SYN3: variants seen among roughly 807,000 people sequenced by gnomAD.
SYN3 encodes synapsin III, also known as synapsin-3.
A neutral mutation model predicts 65.8 loss-of-function variants in SYN3; 35 were observed. That is an observed-to-expected ratio of 0.53 (90% CI 0.41 to 0.70). SYN3 has a LOEUF of 0.70. Among genes scored for constraint, SYN3 ranks in the 30% least tolerant of loss-of-function variants. The probability of loss-of-function intolerance (pLI) is 0.00; values close to 1 mark genes in which losing one functional copy is unlikely to be tolerated. For missense variants in SYN3, 680 were observed against 749.0 expected, an observed-to-expected ratio of 0.91 and a Z score of 1.08; for synonymous variants, 270 against 292.9, an observed-to-expected ratio of 0.92 and a Z score of 0.80.
At chr22:32,515,190 G>T (rs2057751190) in intron 13 of SYN3, among the ~76,000 whole-genome samples, 1 of 152,192 alleles carries the variant, frequency 6.6e-6, no homozygotes, top group Admixed American at 6.5e-5. Flanking sequence ...GGAAATTTAT[G>T]TGTTTTTAGC....
At chr22:33,012,323 T>C (rs1338327901) in intron 1 of SYN3, among the ~76,000 whole-genome samples, 1 of 152,246 alleles carries the variant, frequency 6.6e-6, no homozygotes, top group East Asian at 1.9e-4. Context: ...TTAATTATTG[T>C]CTTGTTAATG....
At chr22:32,651,052 A>T (rs1040935850) in intron 6 of SYN3, among the ~76,000 whole-genome samples, 1 of 152,026 alleles carries the variant, frequency 6.6e-6, no homozygotes. Context: ...GACTGGGGAG[A>T]AGAAATTGGA....
At chr22:32,601,918 C>A (rs1054238787) in intron 6 of SYN3, among the ~76,000 whole-genome samples, 1 of 151,436 alleles carries the variant, frequency 6.6e-6, no homozygotes, top group East Asian at 1.9e-4. Flanking sequence ...GGAGTGGGAG[C>A]ACTCCCAGAG....
chr22:32,582,241 T>G (rs4821076), intron 7 of SYN3, among the ~76,000 whole-genome samples: 142,511 of 152,270 alleles, frequency 0.94, 66,734 homozygotes, highest in East Asian at 0.99. Flanking sequence ...CATCTGAGTT[T>G]GCATCCCTTG....
chr22:33,052,691 C>T (rs1390053480), intron 1 of SYN3, among the ~76,000 whole-genome samples: 1 of 152,184 alleles, frequency 6.6e-6, no homozygotes, highest in African/African-American at 2.4e-5. Context: ...AAACAATACA[C>T]TTAACCAATG....
chr22:32,869,098 C>T lies in SYN3; in HGVS notation c.489G>A (p.Leu163=), dbSNP rs755754768. Residue 163 remains leucine, a synonymous_variant, in exon 5 of 14, where the codon CTG becomes CTA. Coordinates refer to ENST00000358763, the MANE Select transcript of SYN3 (RefSeq NM_003490.4). The part of the protein sequence containing the change: ...VSRSFKPDFI[L]VRQHAYSMAL... ...CCATGCTGTAGGCATGCTGGCGGAC[C>T]AGGATGAAGTCTGGCTTGAAGGATC... The T allele has an allele frequency of 6.2e-7, 1 of 1,613,720 alleles. No individual in the cohort carries two copies. Among genetic ancestry groups the T allele is most frequent in the South Asian group, 1.1e-5 (1 of 91,028 alleles).
intron 7 of SYN3, among the ~76,000 whole-genome samples, chr22:32,565,831 C>A (rs1450169793): frequency 6.6e-6 from 1 of 151,598 alleles, no homozygotes; most frequent in African/African-American, 2.4e-5. Context: ...CTTGCCTCAG[C>A]CCCCCCGAGT....
intron 6 of SYN3, among the ~76,000 whole-genome samples, chr22:32,718,078 A>C (rs2061063084): frequency 6.6e-6 from 1 of 152,146 alleles, no homozygotes; most frequent in Non-Finnish European, 1.5e-5. Context: ...TAAGACTCAT[A>C]AGGTTAGTTT....
intron 11 of SYN3, 59 bp from the exon 12 acceptor site, chr22:32,528,064 GA>G: frequency 7.7e-7 from 1 of 1,290,700 alleles, no homozygotes. Flanking sequence ...CTTCCTGGGT[GA>G]GAGGGCAGCA....
chr22:32,852,119 C>A (rs2048234844), intron 6 of SYN3, among the ~76,000 whole-genome samples: 1 of 152,232 alleles, frequency 6.6e-6, no homozygotes, highest in Non-Finnish European at 1.5e-5. Flanking sequence ...TATACTAACA[C>A]TGTAAAATAG....
intron 6 of SYN3, among the ~76,000 whole-genome samples, chr22:32,784,174 T>C (rs553084910): frequency 9.8e-5 from 15 of 152,364 alleles, no homozygotes; most frequent in African/African-American, 3.1e-4. Flanking sequence ...CCTTGATCCC[T>C]GACTCTTGGT....
chr22:32,560,396 G>A (rs939611335), intron 7 of SYN3, among the ~76,000 whole-genome samples: 7 of 152,210 alleles, frequency 4.6e-5, no homozygotes, highest in Admixed American at 1.3e-4. Flanking sequence ...ATAAAGTGGG[G>A]TAGGGATGAT....
At chr22:32,633,284 GA>G (rs1474351615) in intron 6 of SYN3, among the ~76,000 whole-genome samples, 2 of 152,172 alleles carry the variant, frequency 1.3e-5, no homozygotes, top group Non-Finnish European at 2.9e-5. Context: ...TTATTATCCT[GA>G]TTTTTGAGCG....
chr22:33,023,919 A>C (rs1033621645), intron 1 of SYN3, among the ~76,000 whole-genome samples: 1 of 152,116 alleles, frequency 6.6e-6, no homozygotes, highest in Non-Finnish European at 1.5e-5. Flanking sequence ...TTATTTCTGG[A>C]CTTTTTGGTT....
intron 3 of SYN3, among the ~76,000 whole-genome samples, chr22:32,955,095 A>C (rs913768438): frequency 8.6e-5 from 13 of 151,862 alleles, no homozygotes; most frequent in Middle Eastern, 3.4e-3. Flanking sequence ...CCTGTATCTC[A>C]TTTACCCTCC....
chr22:32,688,963 C>A (rs1286298914), intron 6 of SYN3, among the ~76,000 whole-genome samples: 8 of 152,164 alleles, frequency 5.3e-5, no homozygotes, highest in African/African-American at 1.9e-4. Flanking sequence ...GGGCAACCGA[C>A]CTAAGACCCC....
At chr22:32,574,817 T>C (rs2058829044) in intron 7 of SYN3, among the ~76,000 whole-genome samples, 1 of 152,250 alleles carries the variant, frequency 6.6e-6, no homozygotes, top group East Asian at 1.9e-4. Flanking sequence ...TCATATGCTA[T>C]TGCATTACTC....
At chr22:32,880,365 A>G (rs144694465) in intron 4 of SYN3, among the ~76,000 whole-genome samples, 214 of 152,222 alleles carry the variant, frequency 1.4e-3, no homozygotes, top group African/African-American at 5.0e-3. Flanking sequence ...GTGGTAGCTC[A>G]AGGAAGGGGA....
At chr22:32,775,583 G>A (rs2045888875) in intron 6 of SYN3, among the ~76,000 whole-genome samples, 1 of 152,132 alleles carries the variant, frequency 6.6e-6, no homozygotes, top group African/African-American at 2.4e-5. Flanking sequence ...CCAGAAGGGT[G>A]GCCCCAGTCA....
Sources: allele counts gnomAD v4.1 joint callset (sites outside exome capture counted in the v4.1 genomes callset), GRCh38; gene constraint gnomAD v4.1.1; transcripts MANE v1.5; gene names NCBI Gene and HGNC (gene_info 2026-07-23, HGNC 2026-07-21).